The following GMIP variants were observed in gnomAD, a reference collection of about 807,000 sequenced individuals.
GMIP encodes the protein GEM-interacting protein.
Under a neutral mutation model 105.3 loss-of-function variants are expected in GMIP, and 54 were observed. The observed-to-expected ratio is 0.51, with a 90% confidence interval of 0.41 to 0.64. The LOEUF is 0.64. Ranked by LOEUF, GMIP falls within the 30% of genes least tolerant of loss-of-function variation. The pLI is 0.00. For missense variants in GMIP, 1,110 were observed against 1,319.4 expected (o/e 0.84, Z 2.46); for synonymous variants, 541 against 560.8 (o/e 0.96, Z 0.50).
At chr19:19,636,847 C>G in intron 12 of GMIP, 51 bp from the exon 13 acceptor site, 1 of 1,566,394 alleles carries the variant, frequency 6.4e-7, no homozygotes, top group Non-Finnish European at 8.8e-7. Flanking sequence ...AACCCCACTC[C>G]TGCAGCCCAC....
Position 19,629,820 on chromosome 19 carries a change from A to T in GMIP, c.*143T>A. The stretch of plus-strand genomic sequence containing the variant: ...GCCTCCCCTAGGTCATGTATTAAAT[A>T]GTTTTTCCTTATAGGAACCCTCTGG... On this transcript the variant is annotated 3_prime_UTR_variant, in exon 21 of 21. Transcript: ENST00000203556. 1 of 781,074 alleles carries T rather than the reference A, an allele frequency of 1.3e-6. No homozygotes were observed. Among genetic ancestry groups the T allele is most frequent in the Non-Finnish European group, 2.0e-6 (1 of 500,788 alleles). 48.4% of individuals were successfully genotyped at this position (781,074 alleles called of 1,614,324 possible).
Position 19,634,371 on chromosome 19 carries a change from A to C in GMIP, c.2084+136T>G. ...CAGGGGTCAGTACCCAAAGTTATGA[A>C]TCATGGATTAAGGTTCAGAGTTCAG... On this transcript the variant is annotated intron_variant, in intron 18 of 20. Transcript: ENST00000203556. This position sits in a 1 kb window ranked among gnomAD's most constrained non-coding sequence, Gnocchi z 6.1. 9.9e-7 allele frequency: 1 copy of C among 1,007,272 alleles called. No homozygotes were observed. The highest frequency in any genetic ancestry group is 1.5e-6 in the Non-Finnish European group (1 of 671,516). The allele number at this position is 1,007,272 out of a possible 1,614,324, so 62.4% of individuals were successfully genotyped here.
chr19:19,640,509 C>T lies in GMIP; in HGVS notation c.301G>A (p.Ala101Thr). The T allele has an allele frequency of 6.2e-7, 1 of 1,614,048 alleles. No homozygotes were observed. The highest frequency in any genetic ancestry group is 2.2e-5 in the East Asian group (1 of 44,868). Residue 101 changes from alanine to threonine, a missense_variant, in exon 5 of 21, where the codon GCC becomes ACC. Around this residue, in one of 3 missense-constraint regions of GMIP, gnomAD observed 667 missense variants for 773.2 expected, o/e 0.86. Transcript: ENST00000203556. Reference sequence around the variant, plus strand: ...TTGGCATAGCGGCTCCAGGTCTTGGCATATTCCAGGGCTGCGTCCACACCC... The same window carrying T: ...TTGGCATAGCGGCTCCAGGTCTTGGTATATTCCAGGGCTGCGTCCACACCC... The part of the protein sequence containing the change: ...KGGVDAALEY[A>T]KTWSRYAKEL...
chr19:19,643,510 C>A lies in GMIP; in HGVS notation c.19+1G>T. On this transcript the variant is annotated splice_donor_variant, in intron 1 of 20. Transcript: ENST00000203556. LOFTEE classifies it high-confidence loss of function. The stretch of plus-strand genomic sequence containing the variant: ...CCCCTCCCGGATCCCCGACCCCCTA[C>A]CCGGCTCTGCTGCGTCCATATCTGG... 1 of 1,548,210 alleles carries A rather than the reference C, an allele frequency of 6.5e-7. No homozygotes were observed. The highest frequency in any genetic ancestry group is 8.7e-7 in the Non-Finnish European group (1 of 1,145,494).
In GMIP at chr19:19,640,523, G is replaced by A. The variant is rs2061907462; in HGVS notation, c.287C>T (p.Ala96Val). Reference sequence around the variant, plus strand: ...CCAGGTCTTGGCATATTCCAGGGCTGCGTCCACACCCCCCTTTGTCCGAAT... The same window carrying A: ...CCAGGTCTTGGCATATTCCAGGGCTACGTCCACACCCCCCTTTGTCCGAAT... The part of the protein sequence containing the change: ...RLIRTKGGVD[A>V]ALEYAKTWSR... Residue 96 changes from alanine to valine, a missense_variant, in exon 5 of 21, where the codon GCA becomes GTA. By Grantham distance (64) the Ala-to-Val change is moderately conservative. Around this residue, in one of 3 missense-constraint regions of GMIP, gnomAD observed 667 missense variants for 773.2 expected, o/e 0.86. Transcript: ENST00000203556. 5 of 1,613,980 alleles carry A rather than the reference G, an allele frequency of 3.1e-6. No individual in the cohort carries two copies. Among genetic ancestry groups the A allele is most frequent in the Non-Finnish European group, 4.2e-6 (5 of 1,179,944 alleles).
In GMIP at chr19:19,630,651, G is replaced by A. The variant is rs1428866677; in HGVS notation, c.2473-114C>T. The stretch of plus-strand genomic sequence containing the variant: ...TGCAAAAGGAATAGCCAGTGCAAAG[G>A]CCCTGAGGTAGGAGCATGCCTGGTA... On this transcript the variant is annotated intron_variant, in intron 19 of 20. Coordinates refer to ENST00000203556, the MANE Select transcript of GMIP (RefSeq NM_016573.4). The surrounding 1 kb of genome is among the most constrained non-coding windows in gnomAD (Gnocchi z 4.8). The A allele has an allele frequency of 4.6e-6, 4 of 876,130 alleles. No homozygotes were observed. The highest frequency in any genetic ancestry group is 5.7e-6 in the Non-Finnish European group (3 of 529,148). The allele number at this position is 876,130 out of a possible 1,614,324, so 54.3% of individuals were successfully genotyped here.
intron 4 of GMIP, 30 bp from the exon 5 acceptor site, chr19:19,640,601 T>A: frequency 6.2e-7 from 1 of 1,613,050 alleles, no homozygotes; most frequent in Non-Finnish European, 8.5e-7. Flanking sequence ...CTCTGACCTT[T>A]GCACCCTAGT....
At chr19:19,638,672 T>C (rs920817369) in intron 7 of GMIP, among the ~76,000 whole-genome samples, 190 bp from the exon 8 acceptor site, 4 of 151,792 alleles carry the variant, frequency 2.6e-5, no homozygotes, top group African/African-American at 7.3e-5. Context: ...CACTGCAGCA[T>C]TGAACTTGAA....
chr19:19,633,682 A>G, intron 19 of GMIP, 121 bp downstream of exon 19: 1 of 692,798 alleles, frequency 1.4e-6, no homozygotes, highest in Admixed American at 3.7e-5. Context: ...ACATAAGTTA[A>G]ATGAGGAAGG....
intron 6 of GMIP, 48 bp downstream of exon 6, chr19:19,640,248 G>A: frequency 6.3e-7 from 1 of 1,581,180 alleles, no homozygotes; most frequent in Non-Finnish European, 8.7e-7. Flanking sequence ...GGACAAAGGT[G>A]GGGTTCTAGG....
chr19:19,641,800 A>AC lies in GMIP; in HGVS notation c.238+9dup, dbSNP rs2061922452. The AC allele has an allele frequency of 1.2e-6, 2 of 1,602,176 alleles. No homozygotes were observed. Among genetic ancestry groups the AC allele is most frequent in the African/African-American group, 1.3e-5 (1 of 74,524 alleles). On this transcript the variant is annotated intron_variant, in intron 4 of 20. Coordinates refer to ENST00000203556, the MANE Select transcript of GMIP (RefSeq NM_016573.4). Reference sequence around the variant, plus strand: ...CTGTCCCCACTGTCCTGGCCTCCAGACCCCCCTACCTGTGAGGGGTACAGG... The same window carrying AC: ...CTGTCCCCACTGTCCTGGCCTCCAGACCCCCCCTACCTGTGAGGGGTACAGG...
chr19:19,634,629 A>C lies in GMIP; in HGVS notation c.1962T>G (p.Pro654=). The C allele has an allele frequency of 6.2e-7, 1 of 1,613,392 alleles. No individual in the cohort carries two copies. The highest frequency in any genetic ancestry group is 8.5e-7 in the Non-Finnish European group (1 of 1,179,760). ...GGCTGGGGGTCCCAGGGTCGTCCCC[A>C]GGGTCTGCATGCAAGGTCTTAGCCA... ...ISLAKTLHAD[P]GDDPGTPSPS... is the part of the protein sequence containing the mutation. The change falls in exon 18 of 21, where the codon CCT becomes CCG. Residue 654 remains proline, a synonymous_variant. Transcript: ENST00000203556. This position sits in a 1 kb window ranked among gnomAD's most constrained non-coding sequence, Gnocchi z 6.1.
chr19:19,634,759 GC>G lies in GMIP; in HGVS notation c.1887+32del, dbSNP rs772868716. Reference sequence around the variant, plus strand: ...TGTGGGTGGGCTGTGGAGGGCTCCTGCCCGCGTCCCCCTCAGTGTCCTGAGC... The same window carrying G: ...TGTGGGTGGGCTGTGGAGGGCTCCTGCCGCGTCCCCCTCAGTGTCCTGAGC... On this transcript the variant is annotated intron_variant, in intron 17 of 20. Coordinates refer to ENST00000203556, the MANE Select transcript of GMIP (RefSeq NM_016573.4). The surrounding 1 kb of genome is among the most constrained non-coding windows in gnomAD (Gnocchi z 6.1). 2 of 1,611,740 alleles carry G rather than the reference GC, an allele frequency of 1.2e-6. No homozygotes were observed. Among genetic ancestry groups the G allele is most frequent in the Non-Finnish European group, 1.7e-6 (2 of 1,178,478 alleles).
At position 19,637,530 on chromosome 19, in the gene GMIP, G is replaced by T. The variant is rs1018923515; in HGVS notation, c.959C>A (p.Ala320Glu). The change falls in exon 11 of 21, where the codon GCG becomes GAG. Residue 320 changes from alanine (A) to glutamate (E), a missense_variant. Transcript: ENST00000203556. This position sits in a 1 kb window ranked among gnomAD's most constrained non-coding sequence, Gnocchi z 6.7. ...GGCGCGGGGGCCACGCTCTGCCTGC[G>T]CCCCCCGCAGCCCGAAGAGACTCAG... is the stretch of plus-strand genomic sequence containing the variant. ...VTLSLFGLRG[A>E]QAERGPRAFA... 1 of 1,532,956 alleles carries T rather than the reference G, an allele frequency of 6.5e-7. No individual in the cohort carries two copies. The highest frequency in any genetic ancestry group is 1.4e-5 in the African/African-American group (1 of 71,884). The allele number at this position is 1,532,956 out of a possible 1,614,324, so 95.0% of individuals were successfully genotyped here.
chr19:19,639,108 T>C (rs1053145828), intron 7 of GMIP, among the ~76,000 whole-genome samples: 9 of 151,796 alleles, frequency 5.9e-5, no homozygotes, highest in African/African-American at 2.2e-4. Flanking sequence ...ATAAATTTTT[T>C]TTGGTAGATA....
rs937652459 is a variant in GMIP, at chr19:19,643,300, G to A, written c.19+211C>T. On this transcript the variant is annotated intron_variant, in intron 1 of 20. Coordinates refer to ENST00000203556, the MANE Select transcript of GMIP (RefSeq NM_016573.4). ...CTGGGCCCCCTCCCCCAGGCGTCTG[G>A]GGTGAGGGATCAAAAGGGGGAGGGG... is the stretch of plus-strand genomic sequence containing the variant. 7.0e-5 allele frequency: 34 copies of A among 483,846 alleles called. 1 individual carries two copies. Among genetic ancestry groups the A allele is most frequent in the Non-Finnish European group, 1.2e-4 (31 of 265,248 alleles). The allele number at this position is 483,846 out of a possible 1,614,324, so 30.0% of individuals were successfully genotyped here. A position where few individuals can be genotyped will look rare whatever the true frequency, so the allele number is the denominator to read the frequency against.
rs1166854712 is a variant in GMIP, at chr19:19,640,263, TTGGGCTCTCCGGGGGGGTC to T, written c.429+14_429+32del. On this transcript the variant is annotated intron_variant, in intron 6 of 20. Coordinates refer to ENST00000203556, the MANE Select transcript of GMIP (RefSeq NM_016573.4). ...GGACAAAGGTGGGGTTCTAGGGGGC[TTGGGCTCTCCGGGGGGGTC>T]TGGTCATGACTACCTGCTGTTGAAT... is the stretch of plus-strand genomic sequence containing the variant. 2 of 1,467,054 alleles carry T rather than the reference TTGGGCTCTCCGGGGGGGTC, an allele frequency of 1.4e-6. No individual in the cohort carries two copies. The highest frequency in any genetic ancestry group is 2.8e-5 in the African/African-American group (2 of 70,390). 90.9% of individuals were successfully genotyped at this position (1,467,054 alleles called of 1,614,324 possible).
chr19:19,643,411 C>A, intron 1 of GMIP, 100 bp downstream of exon 1: 1 of 1,145,230 alleles, frequency 8.7e-7, no homozygotes. Context: ...TCAGGAACTC[C>A]TCTCCTGGCT....
chr19:19,638,727 A>G (rs1024374705), intron 7 of GMIP, among the ~76,000 whole-genome samples: 1 of 151,686 alleles, frequency 6.6e-6, no homozygotes, highest in Non-Finnish European at 1.5e-5. Context: ...CTCAGTAGCT[A>G]GGACTACAGG....
Sources: gnomAD v4.1 joint callset for allele counts (sites outside exome capture counted in the v4.1 genomes callset) on GRCh38, gnomAD v4.1.1 for gene constraint, gnomAD v4.1.1 regional missense constraint, Gnocchi (gnomAD v3.1) non-coding constraint, MANE v1.5 for transcripts, NCBI Gene and HGNC (gene_info 2026-07-23, HGNC 2026-07-21) for gene names.